Variants in FBN1 observed in about 807,000 individuals in gnomAD.
FBN1 encodes fibrillin-1.
Under a neutral mutation model 365.1 loss-of-function variants are expected in FBN1, and 29 were observed. The observed-to-expected ratio is 0.08, with a 90% CI of 0.06 to 0.11. FBN1 has a LOEUF of 0.11. Among genes scored for constraint, FBN1 ranks in the 10% least tolerant of loss-of-function variants. The pLI, the probability that FBN1 is intolerant of heterozygous loss-of-function variation, is 1.00. For missense variants in FBN1, 2,476 were observed against 3,703.2 expected, an observed-to-expected ratio of 0.67 and a Z score of 8.60; for synonymous variants, 1,210 against 1,270.5, an observed-to-expected ratio of 0.95 and a Z score of 1.01.
intron 11 of FBN1, among the ~76,000 whole-genome samples, 161 bp from the exon 12 acceptor site, chr15:48,515,688 A>C (rs1166356191): frequency 1.3e-5 from 2 of 152,174 alleles, no homozygotes; most frequent in African/African-American, 4.8e-5. Flanking sequence ...CACCCTGCCA[A>C]CAGAGATCAC....
Position 48,410,331 on chromosome 15 carries a change from C to G in FBN1, c.*659G>C, listed in dbSNP as rs2042850302. 6.5e-6 allele frequency: 1 copy of G among 152,724 alleles called. No individual in the cohort carries two copies. Among genetic ancestry groups the G allele is most frequent in the African/African-American group, 2.4e-5 (1 of 41,438 alleles). 9.5% of individuals were successfully genotyped at this position (152,724 alleles called of 1,614,324 possible). On this transcript the variant is annotated 3_prime_UTR_variant, in exon 66 of 66. Transcript: ENST00000316623. ...CTTAATAAGCACCATTACAAACCCT[C>G]ACATTAAGGGCATTATTATTCTAGT...
intron 29 of FBN1, among the ~76,000 whole-genome samples, chr15:48,486,356 C>T (rs952341939): frequency 6.6e-6 from 1 of 152,134 alleles, no homozygotes; most frequent in Admixed American, 6.5e-5. Context: ...TGAGACTTGG[C>T]AGTTCCACAT....
intron 6 of FBN1, among the ~76,000 whole-genome samples, chr15:48,570,643 T>C (rs1374532192): frequency 2.0e-5 from 3 of 152,218 alleles, no homozygotes; most frequent in Non-Finnish European, 4.4e-5. Context: ...GCTCACTACA[T>C]TTAAACTGGA....
intron 30 of FBN1, among the ~76,000 whole-genome samples, chr15:48,484,846 C>T (rs564080633): frequency 6.6e-5 from 10 of 152,360 alleles, no homozygotes; most frequent in South Asian, 2.1e-4. Flanking sequence ...TCACAGCTCT[C>T]GCAGCCAGGG....
At chr15:48,537,217 A>G (rs1410180220) in intron 7 of FBN1, among the ~76,000 whole-genome samples, 1 of 152,232 alleles carries the variant, frequency 6.6e-6, no homozygotes, top group Non-Finnish European at 1.5e-5. Context: ...AGCACAACCC[A>G]TGAGAGAGGA....
intron 6 of FBN1, among the ~76,000 whole-genome samples, chr15:48,595,865 C>G (rs1480154208): frequency 6.6e-6 from 1 of 152,206 alleles, no homozygotes; most frequent in East Asian, 1.9e-4. Context: ...ACAGGTCCAA[C>G]AGATCTTTAG....
chr15:48,525,654 G>C lies in FBN1; in HGVS notation c.988+476C>G, dbSNP rs541350231. Among the ~76,000 whole-genome samples the C allele has an allele frequency of 6.6e-5, 10 of 152,306 alleles. No homozygotes were observed. In the East Asian group the frequency reaches 1.7e-3, roughly 26 times the overall value. ...TTCTAAGTCCTAATGGAAAACTACC[G>C]AGGGTTTGAGCAAGAGTGTTATTTA... On this transcript the variant is annotated intron_variant, in intron 9 of 65. Coordinates refer to ENST00000316623, the MANE Select transcript of FBN1 (RefSeq NM_000138.5).
intron 31 of FBN1, among the ~76,000 whole-genome samples, chr15:48,483,177 C>G (rs1213707994): frequency 7.2e-5 from 11 of 152,098 alleles, no homozygotes; most frequent in Non-Finnish European, 1.6e-4. Context: ...GACCTAGAAC[C>G]AATGCAGATG....
At chr15:48,452,407 C>T (rs1008335262) in intron 45 of FBN1, among the ~76,000 whole-genome samples, 155 bp downstream of exon 45, 3 of 152,176 alleles carry the variant, frequency 2.0e-5, no homozygotes, top group African/African-American at 7.2e-5. Flanking sequence ...TGACAATATC[C>T]CTTTTTCCAA....
chr15:48,573,513 C>T (rs747209235), intron 6 of FBN1, among the ~76,000 whole-genome samples: 4 of 151,990 alleles, frequency 2.6e-5, no homozygotes, highest in Non-Finnish European at 4.4e-5. Context: ...TAAGATTATT[C>T]CAAAACAGGT....
rs1216844008 is a variant in FBN1 at position 48,508,570 on chromosome 15, T to C, written c.1837+12A>G. 9 of 1,613,578 alleles carry C rather than the reference T, an allele frequency of 5.6e-6. No individual in the cohort carries two copies. Among genetic ancestry groups the C allele is most frequent in the Non-Finnish European group, 6.8e-6 (8 of 1,179,648 alleles). ...ACGTGAAGAACATGATCTAGGGTTT[T>C]ATAGCACGAACCTTTGCAATAACGT... On this transcript the variant is annotated intron_variant, in intron 15 of 65. Coordinates refer to ENST00000316623, the MANE Select transcript of FBN1 (RefSeq NM_000138.5).
Position 48,580,906 on chromosome 15 carries a change from C to T in FBN1, c.538+15377G>A, listed in dbSNP as rs1483775817. 2.0e-5 allele frequency among the ~76,000 whole-genome samples: 3 copies of T among 152,216 alleles called. No homozygotes were observed. The South Asian group carries it at 6.2e-4, about 32-fold the overall frequency. The stretch of plus-strand genomic sequence containing the variant: ...AGCCAGAGGGGTAGGAAACTACCCA[C>T]CAAAACAGAGACTAAAACTGCATGC... On this transcript the variant is annotated intron_variant, in intron 6 of 65. Coordinates refer to ENST00000316623, the MANE Select transcript of FBN1 (RefSeq NM_000138.5).
At position 48,412,666 on chromosome 15, in the gene FBN1, A is replaced by G. The variant is rs1297376845; in HGVS notation, c.8129T>C (p.Leu2710Pro). Reference protein sequence around the residue: ...PVSGEMDDNSLSPEACYECKI... With the variant: ...PVSGEMDDNSPSPEACYECKI... ...ACACTCGTAACAAGCCTCTGGGGAG[A>G]GTGAATTGTCATCCATTTCACCACT... The change falls in exon 65 of 66, where the codon CTC (leucine) becomes CCC (proline). Residue 2710 changes from leucine (L) to proline (P), a missense_variant. By Grantham distance (98) the Leu-to-Pro change is moderately conservative (BLOSUM62 -3). Around this residue, in one of 5 missense-constraint regions of FBN1, gnomAD observed 177 missense variants for 192.7 expected, o/e 0.92. Transcript: ENST00000316623. The G allele has an allele frequency of 6.8e-6, 11 of 1,614,170 alleles. No individual in the cohort carries two copies. The highest frequency in any genetic ancestry group is 1.7e-5 in the Admixed American group (1 of 60,024).
intron 8 of FBN1, chr15:48,529,282 C>T (rs1033949000): frequency 1.3e-5 from 2 of 152,342 alleles, no homozygotes; most frequent in African/African-American, 4.8e-5. Flanking sequence ...CTGTCCATGA[C>T]CCCACTGGCT....
In FBN1 at chr15:48,495,653, C is replaced by T; in HGVS notation, c.2420-65G>A. On this transcript the variant is annotated intron_variant, in intron 20 of 65. Transcript: ENST00000316623. ...TCTTGGGCCTAAAAGAGTACTTCAA[C>T]TTTGACCCCAATTGCTACTACATAT... 3 of 1,603,158 alleles carry T rather than the reference C, an allele frequency of 1.9e-6. No homozygotes were observed. The Admixed American group carries it at 5.0e-5, about 27-fold the overall frequency.
In FBN1 at chr15:48,465,687, T is replaced by C; in HGVS notation, c.4823A>G (p.Asp1608Gly). The C allele has an allele frequency of 1.9e-6, 3 of 1,614,110 alleles. No homozygotes were observed. Among genetic ancestry groups the C allele is most frequent in the Non-Finnish European group, 2.5e-6 (3 of 1,179,968 alleles). Residue 1608 changes from aspartate (D) to glycine (G), a missense_variant, in exon 40 of 66, where the codon GAT becomes GGT. Physicochemically the swap from Asp to Gly is moderately conservative, Grantham distance 94. Transcript: ENST00000316623. ...CAGCCCTGGTAGCTCCTGGCACTCATCAATATCTATCAAAATCAAAACAAA... is the reference window on the plus strand; with the variant it reads ...CAGCCCTGGTAGCTCCTGGCACTCACCAATATCTATCAAAATCAAAACAAA... ...NPITVILEDI[D>G]ECQELPGLCQ...
At chr15:48,479,889 A>G (rs1266706776) in intron 32 of FBN1, among the ~76,000 whole-genome samples, 2 of 152,204 alleles carry the variant, frequency 1.3e-5, no homozygotes, top group African/African-American at 4.8e-5. Context: ...CAAATGAAAC[A>G]ACAAAACAAT....
intron 36 of FBN1, among the ~76,000 whole-genome samples, chr15:48,469,067 CAAAAA>C (rs56789154): frequency 4.5e-4 from 41 of 90,686 alleles, no homozygotes; most frequent in East Asian, 1.8e-3. Context: ...GACTCCGTCT[CAAAAA>C]AAAAAAAATA....
At chr15:48,600,630 G>T (rs1223389116) in intron 4 of FBN1, among the ~76,000 whole-genome samples, 1 of 152,150 alleles carries the variant, frequency 6.6e-6, no homozygotes, top group Admixed American at 6.5e-5. Context: ...CTTGAACCTG[G>T]GGGGGCAGAG....
Sources: allele counts gnomAD v4.1 joint callset (sites outside exome capture counted in the v4.1 genomes callset), GRCh38; gene constraint gnomAD v4.1.1; regional missense constraint gnomAD v4.1.1; transcripts MANE v1.5; gene names NCBI Gene and HGNC (gene_info 2026-07-23, HGNC 2026-07-21).